Variants in TPP2 observed in about 807,000 individuals in gnomAD.
TPP2 encodes the protein tripeptidyl-peptidase 2.
In TPP2, 34 loss-of-function variants were observed where a neutral mutation model predicts 155.9. That is an observed-to-expected ratio of 0.22 (90% CI 0.17 to 0.29). The LOEUF is 0.29. TPP2 is among the 10% of genes least tolerant of loss of function. The pLI is 1.00. For synonymous variants in TPP2, 510 were observed against 529.4 expected (o/e 0.96, Z 0.50); for missense variants, 1,028 against 1,522.3 (o/e 0.68, Z 5.40).
intron 9 of TPP2, among the ~76,000 whole-genome samples, 164 bp downstream of exon 9, chr13:102,629,773 T>G (rs1245815097): frequency 6.6e-6 from 1 of 152,218 alleles, no homozygotes; most frequent in Non-Finnish European, 1.5e-5. Flanking sequence ...CATCTAGAAC[T>G]GACCGTAATT....
chr13:102,647,377 G>A (rs201135832), intron 21 of TPP2, 33 bp downstream of exon 21: 98 of 1,597,346 alleles, frequency 6.1e-5, no homozygotes, highest in Middle Eastern at 1.7e-4. Flanking sequence ...TAGAATTAAC[G>A]GAAGCTGTTT....
chr13:102,622,938 A>G lies in TPP2; in HGVS notation c.682A>G (p.Lys228Glu), dbSNP rs1881264451. 1 of 1,614,214 alleles carries G rather than the reference A, an allele frequency of 6.2e-7. No homozygotes were observed. Among genetic ancestry groups the G allele is most frequent in the Non-Finnish European group, 8.5e-7 (1 of 1,180,032 alleles). ...LSKSTVLRNY[K>E]EAQEYGSFGT... The stretch of plus-strand genomic sequence containing the variant: ...TAAATCTACCGTGTTGAGAAACTAC[A>G]AAGAAGCCCAAGAATATGGCTCTTT... The change falls in exon 6 of 30, where the codon AAA becomes GAA. Residue 228 changes from lysine to glutamate, a missense_variant. Around this residue, in one of 7 missense-constraint regions of TPP2, gnomAD observed 300 missense variants for 398.3 expected, o/e 0.75. Coordinates refer to ENST00000376052, the MANE Select transcript of TPP2 (RefSeq NM_001330588.2).
Position 102,643,356 on chromosome 13 carries a change from A to C in TPP2, c.2155A>C (p.Thr719Pro). 6.2e-7 allele frequency: 1 copy of C among 1,605,548 alleles called. No homozygotes were observed. Among genetic ancestry groups the C allele is most frequent in the Non-Finnish European group, 8.5e-7 (1 of 1,177,666 alleles). ...TTCTCTTCCAGAGAAAGGAACACTG[A>C]CTGAAGCTTTTCCTGTCCTAGTAAG... Reference protein sequence around the residue: ...FCSLPEKGTLTEAFPVLGGKA... With the variant: ...FCSLPEKGTLPEAFPVLGGKA... Residue 719 changes from threonine to proline, a missense_variant, in exon 17 of 30, where the codon ACT (threonine) becomes CCT (proline). Coordinates refer to ENST00000376052, the MANE Select transcript of TPP2 (RefSeq NM_001330588.2).
At chr13:102,634,879 C>G (rs1251825712) in intron 11 of TPP2, among the ~76,000 whole-genome samples, 3 of 152,186 alleles carry the variant, frequency 2.0e-5, no homozygotes, top group Admixed American at 2.0e-4. Context: ...TGCACTCTGC[C>G]TCGAAGTCCT....
intron 25 of TPP2, among the ~76,000 whole-genome samples, chr13:102,660,014 G>T (rs1187586023): frequency 1.3e-5 from 2 of 151,154 alleles, no homozygotes; most frequent in African/African-American, 4.9e-5. Flanking sequence ...TTAATTAATT[G>T]GTGTATTACA....
intron 24 of TPP2, among the ~76,000 whole-genome samples, chr13:102,656,059 C>T (rs1011331754): frequency 2.0e-5 from 3 of 152,124 alleles, no homozygotes; most frequent in Admixed American, 6.6e-5. Flanking sequence ...CATTTTTAGT[C>T]TAAGGCAGTG....
intron 4 of TPP2, among the ~76,000 whole-genome samples, chr13:102,616,934 A>G (rs1013295152): frequency 1.3e-5 from 2 of 149,554 alleles, no homozygotes; most frequent in African/African-American, 4.9e-5. Context: ...TTTTTTTGAG[A>G]CGGAGTCTCG....
chr13:102,639,182 C>T (rs762287042), intron 15 of TPP2, among the ~76,000 whole-genome samples: 18 of 152,038 alleles, frequency 1.2e-4, no homozygotes, highest in Non-Finnish European at 2.4e-4. Flanking sequence ...CACTGTGAGC[C>T]CACCGAAGGC....
At chr13:102,670,664 G>A (rs374780874) in intron 27 of TPP2, among the ~76,000 whole-genome samples, 1 of 152,292 alleles carries the variant, frequency 6.6e-6, no homozygotes, top group Non-Finnish European at 1.5e-5. Flanking sequence ...ACCTGGGAGA[G>A]TCTAGGGCTG....
intron 5 of TPP2, among the ~76,000 whole-genome samples, chr13:102,620,522 C>T (rs1408663228): frequency 6.6e-6 from 1 of 152,180 alleles, no homozygotes; most frequent in East Asian, 1.9e-4. Flanking sequence ...CCAGTCCTGT[C>T]TGCAGATGTT....
At chr13:102,620,413 C>T (rs940500383) in intron 5 of TPP2, among the ~76,000 whole-genome samples, 1 of 152,014 alleles carries the variant, frequency 6.6e-6, no homozygotes, top group Admixed American at 6.6e-5. Context: ...TATAATGTAA[C>T]TTTTTTGCAT....
intron 14 of TPP2, 53 bp from the exon 15 acceptor site, chr13:102,638,186 C>A (rs1412783491): frequency 1.9e-5 from 29 of 1,531,792 alleles, no homozygotes; most frequent in South Asian, 1.2e-4. Flanking sequence ...CCTTCCCCCG[C>A]TCTTTTAAAC....
At chr13:102,609,495 T>C (rs1880112045) in intron 2 of TPP2, among the ~76,000 whole-genome samples, 1 of 147,444 alleles carries the variant, frequency 6.8e-6, no homozygotes, top group Non-Finnish European at 1.5e-5. Context: ...CCACCCGGGT[T>C]CAAGCGATTC....
chr13:102,612,899 C>T (rs1212523317), intron 2 of TPP2, among the ~76,000 whole-genome samples: 4 of 152,068 alleles, frequency 2.6e-5, no homozygotes, highest in African/African-American at 9.7e-5. Flanking sequence ...TCATGATTTT[C>T]TGTAATGTCT....
In TPP2 at chr13:102,651,863, A is replaced by G. The variant is rs577176105; in HGVS notation, c.2991+466A>G. Among the ~76,000 whole-genome samples, 4 of 152,104 alleles carry G rather than the reference A, an allele frequency of 2.6e-5. No individual in the cohort carries two copies. The South Asian group carries it at 8.3e-4, about 31-fold the overall frequency. ...AGCGAACTTTATTCCCTGCTCTTGT[A>G]TCCATTCTGGTTCTGAAAGAAGAGA... is the stretch of plus-strand genomic sequence containing the variant. On this transcript the variant is annotated intron_variant, in intron 24 of 29. Coordinates refer to ENST00000376052, the MANE Select transcript of TPP2 (RefSeq NM_001330588.2).
chr13:102,626,145 A>G (rs754405572), intron 6 of TPP2, among the ~76,000 whole-genome samples: 12 of 152,202 alleles, frequency 7.9e-5, no homozygotes, highest in African/African-American at 2.4e-4. Flanking sequence ...ACAGTTAACT[A>G]CTATCCTGAT....
chr13:102,633,586 A>T (rs1213711217), intron 10 of TPP2, among the ~76,000 whole-genome samples: 1 of 152,178 alleles, frequency 6.6e-6, no homozygotes, highest in Non-Finnish European at 1.5e-5. Context: ...CCTTAAACAG[A>T]AGGAAAGTTT....
chr13:102,661,548 C>T (rs990228246), intron 25 of TPP2, among the ~76,000 whole-genome samples: 4 of 152,060 alleles, frequency 2.6e-5, no homozygotes, highest in Non-Finnish European at 4.4e-5. Context: ...ACCCAGCCCC[C>T]AGAATATATA....
chr13:102,620,617 G>A (rs1368040193), intron 5 of TPP2, among the ~76,000 whole-genome samples: 1 of 152,018 alleles, frequency 6.6e-6, no homozygotes, highest in Non-Finnish European at 1.5e-5. Flanking sequence ...TTTTTGTTTT[G>A]TTTTGTTTGA....
Sources: allele counts gnomAD v4.1 joint callset (sites outside exome capture counted in the v4.1 genomes callset), GRCh38; gene constraint gnomAD v4.1.1; regional missense constraint gnomAD v4.1.1; transcripts MANE v1.5; gene names NCBI Gene and HGNC (gene_info 2026-07-23, HGNC 2026-07-21).